Variants in CTNNA2 observed in about 807,000 individuals in gnomAD.
CTNNA2 encodes the protein catenin alpha 2.
Under a neutral mutation model 101.0 loss-of-function variants are expected in CTNNA2, and 42 were observed. The ratio of observed to expected loss-of-function variants is 0.42; its 90% CI spans 0.32 to 0.54. CTNNA2 has a LOEUF of 0.54. CTNNA2 is among the 20% of genes least tolerant of loss of function. CTNNA2 has a pLI of 0.14. For synonymous variants in CTNNA2, 450 were observed against 456.4 expected (o/e 0.99, Z 0.18); for missense variants, 871 against 1,223.1 (o/e 0.71, Z 4.29).
chr2:79,782,580 G>T (rs1674535835), intron 3 of CTNNA2, among the ~76,000 whole-genome samples: 1 of 152,128 alleles, frequency 6.6e-6, no homozygotes. Flanking sequence ...AAGATTTTCT[G>T]TACCATTTAA....
chr2:79,781,759 A>T (rs76993183), intron 3 of CTNNA2, among the ~76,000 whole-genome samples: 1 of 152,188 alleles, frequency 6.6e-6, no homozygotes, highest in Admixed American at 6.5e-5. Flanking sequence ...ATGATAATTT[A>T]TATCTGTGTG....
At chr2:79,865,607 G>A (rs903514847) in intron 4 of CTNNA2, among the ~76,000 whole-genome samples, 1 of 152,114 alleles carries the variant, frequency 6.6e-6, no homozygotes, top group Non-Finnish European at 1.5e-5. Context: ...GTGCAGGCAG[G>A]GATGTATCAG....
intron 6 of CTNNA2, among the ~76,000 whole-genome samples, chr2:79,885,359 A>G (rs1683778643): frequency 6.6e-6 from 1 of 152,184 alleles, no homozygotes; most frequent in South Asian, 2.1e-4. Context: ...TATTGTTCCT[A>G]GAATCAGACA....
intron 3 of CTNNA2, among the ~76,000 whole-genome samples, chr2:79,792,394 A>G (rs1675347722): frequency 6.6e-6 from 1 of 152,182 alleles, no homozygotes; most frequent in Non-Finnish European, 1.5e-5. Context: ...AATACAGACT[A>G]CTGTGTGTAC....
At chr2:80,498,349 G>T (rs1033282958) in intron 9 of CTNNA2, among the ~76,000 whole-genome samples, 2 of 152,170 alleles carry the variant, frequency 1.3e-5, no homozygotes. Flanking sequence ...AATCACCTGT[G>T]ACTGACTGAA....
chr2:79,386,351 A>G (rs896597119), intron 4 of CTNNA2, among the ~76,000 whole-genome samples: 3 of 152,322 alleles, frequency 2.0e-5, no homozygotes, highest in African/African-American at 7.2e-5. Context: ...GTTGACAGGA[A>G]GAACGGCATA....
chr2:80,600,535 G>A (rs1367412858), intron 15 of CTNNA2, among the ~76,000 whole-genome samples: 1 of 151,884 alleles, frequency 6.6e-6, no homozygotes, highest in Non-Finnish European at 1.5e-5. Flanking sequence ...CAAAAGATTT[G>A]AAAAGACAAC....
At chr2:80,128,494 C>T (rs756341679) in intron 7 of CTNNA2, among the ~76,000 whole-genome samples, 15 of 152,050 alleles carry the variant, frequency 9.9e-5, no homozygotes, top group South Asian at 2.1e-4. Flanking sequence ...CCCTCTGCCA[C>T]GCATGGGTGT....
intron 9 of CTNNA2, among the ~76,000 whole-genome samples, chr2:80,509,904 C>T (rs1688572396): frequency 6.6e-6 from 1 of 152,178 alleles, no homozygotes; most frequent in South Asian, 2.1e-4. Flanking sequence ...GATATTCAGG[C>T]TTGAGAAGCA....
At chr2:80,331,021 GTTTT>G (rs34091714) in intron 7 of CTNNA2, among the ~76,000 whole-genome samples, 92 of 139,710 alleles carry the variant, frequency 6.6e-4, no homozygotes, top group African/African-American at 2.2e-3. Flanking sequence ...TAAACTGTAT[GTTTT>G]TTTTTTTTTT....
chr2:79,951,124 A>G (rs1478386706), intron 7 of CTNNA2, among the ~76,000 whole-genome samples: 5 of 152,228 alleles, frequency 3.3e-5, no homozygotes, highest in Non-Finnish European at 4.4e-5. Flanking sequence ...TATTCTAGCA[A>G]AAGAGCAGAA....
chr2:80,257,718 C>T (rs1042519691), intron 7 of CTNNA2, among the ~76,000 whole-genome samples: 1 of 152,184 alleles, frequency 6.6e-6, no homozygotes, highest in African/African-American at 2.4e-5. Context: ...CTCAAGCACT[C>T]GCGCTCTGGT....
chr2:80,048,239 A>T (rs1445077363), intron 7 of CTNNA2, among the ~76,000 whole-genome samples: 1 of 152,226 alleles, frequency 6.6e-6, no homozygotes, highest in South Asian at 2.1e-4. Context: ...TACTTATACT[A>T]AAATATTTGC....
chr2:79,788,075 C>T (rs1379776642), intron 3 of CTNNA2, among the ~76,000 whole-genome samples: 3 of 152,142 alleles, frequency 2.0e-5, no homozygotes, highest in Non-Finnish European at 2.9e-5. Context: ...GATTTTATCA[C>T]TAGTGCATGT....
chr2:80,263,377 A>T (rs1672763420), intron 7 of CTNNA2, among the ~76,000 whole-genome samples: 1 of 152,218 alleles, frequency 6.6e-6, no homozygotes, highest in African/African-American at 2.4e-5. Context: ...TCTGTTGCCC[A>T]GGCTGGAGTG....
chr2:79,814,991 C>T lies in CTNNA2; in HGVS notation c.299-43022C>T, dbSNP rs182436500. Among the ~76,000 whole-genome samples the T allele has an allele frequency of 6.4e-4, 97 of 152,266 alleles. 1 individual carries two copies. The highest frequency in any genetic ancestry group is 2.1e-3 in the African/African-American group (89 of 41,550). ...TTCTGGTGGGAGTAAGGTGGTATCACATTGTGGTTTTGATTTGCATTTCCC... is the reference window on the plus strand; with the variant it reads ...TTCTGGTGGGAGTAAGGTGGTATCATATTGTGGTTTTGATTTGCATTTCCC... On this transcript the variant is annotated intron_variant, in intron 3 of 18. Transcript: ENST00000402739.
intron 7 of CTNNA2, among the ~76,000 whole-genome samples, chr2:80,212,326 C>T (rs903652311): frequency 6.6e-5 from 10 of 152,122 alleles, no homozygotes; most frequent in African/African-American, 2.4e-4. Flanking sequence ...CAAGTTTTTG[C>T]CCATTCAGTA....
chr2:79,687,738 A>ATAAG (rs1468718545), intron 2 of CTNNA2: 1 of 478,842 alleles, frequency 2.1e-6, no homozygotes. Flanking sequence ...TTTGGAAAAA[A>ATAAG]TAAGATATCC....
chr2:80,061,543 A>C (rs1697601512), intron 7 of CTNNA2, among the ~76,000 whole-genome samples: 1 of 152,214 alleles, frequency 6.6e-6, no homozygotes, highest in South Asian at 2.1e-4. Flanking sequence ...AAGTCTAACT[A>C]ACTCACCATC....
Sources: allele counts gnomAD v4.1 joint callset (sites outside exome capture counted in the v4.1 genomes callset), GRCh38; gene constraint gnomAD v4.1.1; transcripts MANE v1.5; gene names NCBI Gene and HGNC (gene_info 2026-07-23, HGNC 2026-07-21).